The following ADAT2 variants were observed in gnomAD, a reference collection of about 807,000 sequenced individuals.
ADAT2 encodes the protein adenosine deaminase tRNA specific 2, also known as tRNA-specific adenosine-34 deaminase catalytic subunit ADAT2.
ADAT2 carries 26 observed loss-of-function variants against 25.9 expected under a neutral mutation model. The ratio of observed to expected loss-of-function variants is 1.00; its 90% CI spans 0.74 to 1.39. The LOEUF is 1.39. ADAT2 is among the 40% of genes most tolerant of loss of function. The pLI, the probability that ADAT2 is intolerant of heterozygous loss-of-function variation, is 0.00. For synonymous variants in ADAT2, 76 were observed against 86.8 expected (o/e 0.88, Z 0.69); for missense variants, 220 against 244.8 (o/e 0.90, Z 0.68).
At position 143,425,410 on chromosome 6, in the gene ADAT2, C is replaced by T. The variant is rs964451907; in HGVS notation, c.*3053G>A. On this transcript the variant is annotated 3_prime_UTR_variant, in exon 6 of 6. Coordinates refer to ENST00000237283, the MANE Select transcript of ADAT2 (RefSeq NM_182503.3). ...ACATGAGTCTGTGGTCCCAGCTACT[C>T]AGGAGGCTGAGGAGGAAGGATTGCT... is the stretch of plus-strand genomic sequence containing the variant. The T allele has an allele frequency of 1.3e-5, 2 of 149,056 alleles. No individual in the cohort carries two copies. Among genetic ancestry groups the T allele is most frequent in the African/African-American group, 2.5e-5 (1 of 39,796 alleles). 9.2% of individuals were successfully genotyped at this position (149,056 alleles called of 1,614,324 possible).
At chr6:143,441,415 GAGA>G (rs747881154) in intron 1 of ADAT2, 1 of 152,206 alleles carries the variant, frequency 6.6e-6, no homozygotes, top group Non-Finnish European at 1.5e-5. Context: ...AGTTTATAAA[GAGA>G]AGAAGTTGAT....
rs1025301469 is a variant in ADAT2, at chr6:143,442,074, C to T, written c.97-3380G>A. On this transcript the variant is annotated intron_variant, in intron 1 of 5. Coordinates refer to ENST00000237283, the MANE Select transcript of ADAT2 (RefSeq NM_182503.3). This position sits in a 1 kb window ranked among gnomAD's most constrained non-coding sequence, Gnocchi z 4.6. ...GGCATTTATCCCAGAGAAATGAAAA[C>T]CTATGCTCACACAATGTATGTCTGT... The T allele has an allele frequency of 1.3e-5, 2 of 152,204 alleles. No individual in the cohort carries two copies. The highest frequency in any genetic ancestry group is 1.3e-4 in the Admixed American group (2 of 15,276). The allele number at this position is 152,204 out of a possible 1,614,324, so 9.4% of individuals were successfully genotyped here. A position where few individuals can be genotyped will look rare whatever the true frequency, so the allele number is the denominator to read the frequency against.
intron 3 of ADAT2, among the ~76,000 whole-genome samples, chr6:143,433,405 G>A (rs1779174627): frequency 1.3e-5 from 2 of 152,004 alleles, no homozygotes; most frequent in East Asian, 3.9e-4. Flanking sequence ...GATAATGTTT[G>A]ATACATTAGT....
At position 143,424,671 on chromosome 6, in the gene ADAT2, G is replaced by T. The variant is rs1049869795; in HGVS notation, c.*3792C>A. 1.3e-5 allele frequency: 2 copies of T among 152,148 alleles called. No individual in the cohort carries two copies. The highest frequency in any genetic ancestry group is 3.8e-4 in the East Asian group (2 of 5,202). 9.4% of individuals were successfully genotyped at this position (152,148 alleles called of 1,614,324 possible). On this transcript the variant is annotated 3_prime_UTR_variant, in exon 6 of 6. Coordinates refer to ENST00000237283, the MANE Select transcript of ADAT2 (RefSeq NM_182503.3). This position sits in a 1 kb window ranked among gnomAD's most constrained non-coding sequence, Gnocchi z 4.8. Reference sequence around the variant, plus strand: ...GCTGAGGAGGAAATTAGGAAGGAAAGAATTTATTTCTCAGGCTTAATTTTG... The same window carrying T: ...GCTGAGGAGGAAATTAGGAAGGAAATAATTTATTTCTCAGGCTTAATTTTG...
Position 143,423,370 on chromosome 6 carries a change from A to G in ADAT2, c.*5093T>C, listed in dbSNP as rs1362829386. ...TCCTTCTTTTGATTTTTTTTCAATC[A>G]CTCAGAATTGTAAGACCCATTTTTA... On this transcript the variant is annotated 3_prime_UTR_variant, in exon 6 of 6. Transcript: ENST00000237283. 1 of 152,048 alleles carries G rather than the reference A, an allele frequency of 6.6e-6. No homozygotes were observed. Among genetic ancestry groups the G allele is most frequent in the Admixed American group, 6.5e-5 (1 of 15,280 alleles). 9.4% of individuals were successfully genotyped at this position (152,048 alleles called of 1,614,324 possible).
intron 1 of ADAT2, among the ~76,000 whole-genome samples, chr6:143,447,114 T>C (rs564755542): frequency 6.6e-6 from 1 of 152,322 alleles, no homozygotes; most frequent in Non-Finnish European, 1.5e-5. Context: ...ACAGATCCTT[T>C]TGTAGTGATG....
rs971634619 is a variant in ADAT2 at position 143,440,474 on chromosome 6, C to T, written c.97-1780G>A. Among the ~76,000 whole-genome samples the T allele has an allele frequency of 1.3e-5, 2 of 152,188 alleles. No homozygotes were observed. Among genetic ancestry groups the T allele is most frequent in the African/African-American group, 4.8e-5 (2 of 41,446 alleles). On this transcript the variant is annotated intron_variant, in intron 1 of 5. Transcript: ENST00000237283. This position sits in a 1 kb window ranked among gnomAD's most constrained non-coding sequence, Gnocchi z 4.5. ...AAAAAGGAGACGCCCACAGCAGGAG[C>T]AAACTGGGCCTCTCTTTTCTCCATC...
In ADAT2 at chr6:143,432,001, A is replaced by G. The variant is rs1215806725; in HGVS notation, c.459+504T>C. 1.3e-5 allele frequency among the ~76,000 whole-genome samples: 2 copies of G among 152,206 alleles called. No homozygotes were observed. Among genetic ancestry groups the G allele is most frequent in the African/African-American group, 4.8e-5 (2 of 41,426 alleles). On this transcript the variant is annotated intron_variant, in intron 4 of 5. Transcript: ENST00000237283. The surrounding 1 kb of genome is among the most constrained non-coding windows in gnomAD (Gnocchi z 4.4). ...TAAGTCTGGGGGAAATTTCAACATT[A>G]AAAAGACACACAAAAAAAGACATGA... is the stretch of plus-strand genomic sequence containing the variant.
rs936790865 is a variant in ADAT2 at position 143,428,272 on chromosome 6, A to C, written c.*191T>G. ...GGAATCAGCTTCTGGAAAAGCTAATAACTGTTTACAATTGTCAGACTTCTA... is the reference window on the plus strand; with the variant it reads ...GGAATCAGCTTCTGGAAAAGCTAATCACTGTTTACAATTGTCAGACTTCTA... On this transcript the variant is annotated 3_prime_UTR_variant, in exon 6 of 6. Transcript: ENST00000237283. This position sits in a 1 kb window ranked among gnomAD's most constrained non-coding sequence, Gnocchi z 5.0. 1.6e-6 allele frequency: 1 copy of C among 627,496 alleles called. No homozygotes were observed. The allele number at this position is 627,496 out of a possible 1,614,324, so 38.9% of individuals were successfully genotyped here.
Position 143,438,771 on chromosome 6 carries a change from T to G in ADAT2, c.97-77A>C, listed in dbSNP as rs143680709. On this transcript the variant is annotated intron_variant, in intron 1 of 5. Coordinates refer to ENST00000237283, the MANE Select transcript of ADAT2 (RefSeq NM_182503.3). ...GTATAGGAGAGAAAGAGATGCAGCA[T>G]GAACAAGATACACATGTACAAAGAC... is the stretch of plus-strand genomic sequence containing the variant. 612 of 1,187,504 alleles carry G rather than the reference T, an allele frequency of 5.2e-4. 3 individuals carry two copies. In the African/African-American group the frequency reaches 7.5e-3, roughly 15 times the overall value. 73.6% of individuals were successfully genotyped at this position (1,187,504 alleles called of 1,614,324 possible). A position where few individuals can be genotyped will look rare whatever the true frequency, so the allele number is the denominator to read the frequency against.
Position 143,432,180 on chromosome 6 carries a change from C to T in ADAT2, c.459+325G>A, listed in dbSNP as rs116343513. Among the ~76,000 whole-genome samples the T allele has an allele frequency of 7.9e-3, 1,198 of 152,278 alleles. 15 individuals are homozygous for T. Among genetic ancestry groups the T allele is most frequent in the African/African-American group, 0.027 (1,119 of 41,540 alleles). Reference sequence around the variant, plus strand: ...ACTTGGTAGAGCATAGAGCTGGTAACGTTCATTGAATAAAAACTCCAACAG... The same window carrying T: ...ACTTGGTAGAGCATAGAGCTGGTAATGTTCATTGAATAAAAACTCCAACAG... On this transcript the variant is annotated intron_variant, in intron 4 of 5. Transcript: ENST00000237283. The surrounding 1 kb of genome is among the most constrained non-coding windows in gnomAD (Gnocchi z 4.4).
intron 4 of ADAT2, among the ~76,000 whole-genome samples, chr6:143,431,936 C>T (rs1209610554): frequency 2.0e-5 from 3 of 152,060 alleles, no homozygotes; most frequent in African/African-American, 2.4e-5. Flanking sequence ...CAAGATTAAA[C>T]GGAAAGGAGA....
Position 143,436,343 on chromosome 6 carries a change from G to C in ADAT2, c.201+2247C>G, listed in dbSNP as rs1262285518. On this transcript the variant is annotated intron_variant, in intron 2 of 5. Coordinates refer to ENST00000237283, the MANE Select transcript of ADAT2 (RefSeq NM_182503.3). This position sits in a 1 kb window ranked among gnomAD's most constrained non-coding sequence, Gnocchi z 4.1. ...ATTTTCAGGGGCTGGATGTCCATGA[G>C]GGAGGTAGAGGAGAAAATGCTTCAT... The C allele has an allele frequency of 4.0e-6, 1 of 252,006 alleles. No individual in the cohort carries two copies. Among genetic ancestry groups the C allele is most frequent in the African/African-American group, 2.3e-5 (1 of 43,774 alleles). The allele number at this position is 252,006 out of a possible 1,614,324, so 15.6% of individuals were successfully genotyped here.
intron 1 of ADAT2, among the ~76,000 whole-genome samples, chr6:143,447,399 G>A (rs1779628026): frequency 6.6e-6 from 1 of 152,134 alleles, no homozygotes; most frequent in Admixed American, 6.5e-5. Context: ...ATACCATGAG[G>A]TAGGGAGGAG....
rs1194358406 is a variant in ADAT2, at chr6:143,427,333, G to C, written c.*1130C>G. On this transcript the variant is annotated 3_prime_UTR_variant, in exon 6 of 6. Transcript: ENST00000237283. ...AAGGAAATGAATCTACTGAAGAAAT[G>C]CAACTGAGGAGCAGCAGCCCCTCCA... 3.3e-5 allele frequency: 5 copies of C among 152,596 alleles called. No homozygotes were observed. Among genetic ancestry groups the C allele is most frequent in the Non-Finnish European group, 7.3e-5 (5 of 68,050 alleles). 9.5% of individuals were successfully genotyped at this position (152,596 alleles called of 1,614,324 possible).
intron 1 of ADAT2, among the ~76,000 whole-genome samples, chr6:143,439,427 T>A (rs1779392982): frequency 6.7e-6 from 1 of 149,932 alleles, no homozygotes; most frequent in African/African-American, 2.5e-5. Context: ...AGCCAAAACC[T>A]GAAACTGCAC....
intron 4 of ADAT2, among the ~76,000 whole-genome samples, chr6:143,429,712 C>G (rs989261851): frequency 6.6e-6 from 1 of 152,182 alleles, no homozygotes; most frequent in Non-Finnish European, 1.5e-5. Context: ...AAGCACCCTT[C>G]TGAAGTGCAT....
At chr6:143,443,995 C>T (rs953414080) in intron 1 of ADAT2, among the ~76,000 whole-genome samples, 3 of 151,982 alleles carry the variant, frequency 2.0e-5, no homozygotes, top group South Asian at 2.1e-4. Context: ...GTGGAAAGGA[C>T]GTGAGTGGGA....
chr6:143,439,626 T>C (rs887343780), intron 1 of ADAT2, among the ~76,000 whole-genome samples: 2 of 152,166 alleles, frequency 1.3e-5, no homozygotes, highest in African/African-American at 4.8e-5. Flanking sequence ...AGTACCAGAA[T>C]AGATAAAACT....
Sources: gnomAD v4.1 joint callset for allele counts (sites outside exome capture counted in the v4.1 genomes callset) on GRCh38, gnomAD v4.1.1 for gene constraint, Gnocchi (gnomAD v3.1) non-coding constraint, MANE v1.5 for transcripts, NCBI Gene and HGNC (gene_info 2026-07-23, HGNC 2026-07-21) for gene names.